GABRB2: variants seen among roughly 807,000 people sequenced by gnomAD.
GABRB2 encodes the protein gamma-aminobutyric acid type A receptor subunit beta2, also known as gamma-aminobutyric acid receptor subunit beta-2.
Under a neutral mutation model 54.7 loss-of-function variants are expected in GABRB2, and 16 were observed. That is an observed-to-expected ratio of 0.29 (90% CI 0.20 to 0.44). The LOEUF is 0.44. GABRB2 is among the 20% of genes least tolerant of loss of function. The pLI is 1.00. For synonymous variants in GABRB2, 244 were observed against 233.8 expected (o/e 1.04, Z -0.40); for missense variants, 355 against 644.0 (o/e 0.55, Z 4.86).
At chr5:161,481,771 G>A (rs1758770649) in intron 3 of GABRB2, among the ~76,000 whole-genome samples, 2 of 151,898 alleles carry the variant, frequency 1.3e-5, no homozygotes, top group African/African-American at 2.4e-5. Flanking sequence ...AAGGCAGAGT[G>A]GTTAATGTGC....
intron 9 of GABRB2, among the ~76,000 whole-genome samples, chr5:161,315,900 G>T (rs1396971823): frequency 6.6e-6 from 1 of 152,104 alleles, no homozygotes; most frequent in African/African-American, 2.4e-5. Flanking sequence ...CTAACACGAG[G>T]AATTATTTTA....
In GABRB2 at chr5:161,291,842, C is replaced by T. The variant is rs76427125; in HGVS notation, c.*2239G>A. The T allele has an allele frequency of 2.8e-3, 431 of 152,564 alleles. 1 individual carries two copies. The highest frequency in any genetic ancestry group is 4.5e-3 in the Non-Finnish European group (304 of 68,020). 9.5% of individuals were successfully genotyped at this position (152,564 alleles called of 1,614,324 possible). A position where few individuals can be genotyped will look rare whatever the true frequency, so the allele number is the denominator to read the frequency against. ...TTCAGAATGGCATTTTGGAGTTGTG[C>T]CCCTGAGTTATCAATATGTTCCTTC... On this transcript the variant is annotated 3_prime_UTR_variant, in exon 10 of 10. Coordinates refer to ENST00000393959, the MANE Select transcript of GABRB2 (RefSeq NM_001371727.1).
intron 3 of GABRB2, among the ~76,000 whole-genome samples, chr5:161,461,509 T>C (rs1758117284): frequency 6.6e-6 from 1 of 152,168 alleles, no homozygotes. Flanking sequence ...AAGGTTATTA[T>C]GAAAATTAAA....
intron 5 of GABRB2, among the ~76,000 whole-genome samples, chr5:161,383,106 G>C (rs1363899818): frequency 1.3e-5 from 2 of 152,138 alleles, no homozygotes; most frequent in African/African-American, 2.4e-5. Context: ...TATTCAAGCT[G>C]TACAACATAA....
chr5:161,450,378 T>A (rs929108018), intron 4 of GABRB2, among the ~76,000 whole-genome samples: 1 of 152,172 alleles, frequency 6.6e-6, no homozygotes, highest in Non-Finnish European at 1.5e-5. Context: ...TCTTTAAGTG[T>A]TTTTTATTTA....
Position 161,296,802 on chromosome 5 carries a change from G to T in GABRB2, c.1192-2374C>A, listed in dbSNP as rs528754102. ...CAAAATAATACTGGGGTTGGAGTCA[G>T]AGTCAAAAGATTGTACTTATGGCTC... On this transcript the variant is annotated intron_variant, in intron 9 of 9. Coordinates refer to ENST00000393959, the MANE Select transcript of GABRB2 (RefSeq NM_001371727.1). 4.6e-5 allele frequency among the ~76,000 whole-genome samples: 7 copies of T among 152,332 alleles called. No homozygotes were observed. The South Asian group carries it at 1.4e-3, about 32-fold the overall frequency.
chr5:161,502,228 T>A (rs1308546159), intron 3 of GABRB2, among the ~76,000 whole-genome samples: 1 of 151,956 alleles, frequency 6.6e-6, no homozygotes, highest in Non-Finnish European at 1.5e-5. Context: ...AAAGTTGATT[T>A]GATACAATGA....
At chr5:161,297,652 C>T (rs1251987394) in intron 9 of GABRB2, among the ~76,000 whole-genome samples, 6 of 152,034 alleles carry the variant, frequency 3.9e-5, no homozygotes, top group African/African-American at 7.2e-5. Context: ...ATGGTATATA[C>T]GTGTCACATT....
intron 9 of GABRB2, among the ~76,000 whole-genome samples, chr5:161,318,414 G>T (rs190337808): frequency 6.6e-6 from 1 of 151,960 alleles, no homozygotes; most frequent in East Asian, 1.9e-4. Context: ...AAAGGGGTAG[G>T]TTAGATATAT....
chr5:161,466,208 T>C (rs754766746), intron 3 of GABRB2, among the ~76,000 whole-genome samples: 60 of 152,202 alleles, frequency 3.9e-4, no homozygotes, highest in Admixed American at 7.9e-4. Context: ...ATATAAAGTG[T>C]ACATATAAAG....
Position 161,292,267 on chromosome 5 carries a change from G to A in GABRB2, c.*1814C>T, listed in dbSNP as rs545396018. ...AAGAAAACATACATTATTCACAGGT[G>A]GATACTGGCTGCTATGCACAATTAG... On this transcript the variant is annotated 3_prime_UTR_variant, in exon 10 of 10. Transcript: ENST00000393959. 1 of 152,260 alleles carries A rather than the reference G, an allele frequency of 6.6e-6. No individual in the cohort carries two copies. The highest frequency in any genetic ancestry group is 2.4e-5 in the African/African-American group (1 of 41,558). The allele number at this position is 152,260 out of a possible 1,614,324, so 9.4% of individuals were successfully genotyped here.
chr5:161,423,345 C>T (rs560462522), intron 4 of GABRB2, among the ~76,000 whole-genome samples: 29 of 152,226 alleles, frequency 1.9e-4, no homozygotes, highest in Non-Finnish European at 4.1e-4. Flanking sequence ...TTGCACCTTG[C>T]AGACATTGTG....
At chr5:161,472,569 T>C (rs1367295559) in intron 3 of GABRB2, among the ~76,000 whole-genome samples, 2 of 151,880 alleles carry the variant, frequency 1.3e-5, no homozygotes, top group African/African-American at 4.8e-5. Context: ...TCTGTGTGAT[T>C]TGAACTCTGA....
chr5:161,421,476 T>C (rs559473662), intron 4 of GABRB2, among the ~76,000 whole-genome samples: 1 of 152,352 alleles, frequency 6.6e-6, no homozygotes, highest in East Asian at 1.9e-4. Context: ...TTTCTCTCTC[T>C]CATGGTAAGG....
intron 4 of GABRB2, among the ~76,000 whole-genome samples, chr5:161,437,968 G>A (rs1366418316): frequency 2.0e-5 from 3 of 152,188 alleles, no homozygotes; most frequent in Non-Finnish European, 4.4e-5. Flanking sequence ...GGGCCTGGAG[G>A]CCTTGCTGCC....
chr5:161,405,969 G>T (rs573850122), intron 5 of GABRB2, among the ~76,000 whole-genome samples: 264 of 152,062 alleles, frequency 1.7e-3, no homozygotes, highest in Non-Finnish European at 3.0e-3. Flanking sequence ...AACACAACAG[G>T]CACATTTCTA....
chr5:161,487,247 C>T (rs1177726632), intron 3 of GABRB2, among the ~76,000 whole-genome samples: 1 of 151,856 alleles, frequency 6.6e-6, no homozygotes, highest in Non-Finnish European at 1.5e-5. Flanking sequence ...CTCATTATAG[C>T]ACTTTCATTG....
At chr5:161,441,931 A>G (rs1191781156) in intron 4 of GABRB2, among the ~76,000 whole-genome samples, 1 of 152,172 alleles carries the variant, frequency 6.6e-6, no homozygotes, top group Non-Finnish European at 1.5e-5. Context: ...TAGAGTGAAG[A>G]AGAATGATTA....
At chr5:161,431,760 T>C (rs112135850) in intron 4 of GABRB2, among the ~76,000 whole-genome samples, 1 of 152,166 alleles carries the variant, frequency 6.6e-6, no homozygotes, top group Admixed American at 6.5e-5. Flanking sequence ...TTAGATTCAT[T>C]TGAAAATAAA....
Sources: allele counts gnomAD v4.1 joint callset (sites outside exome capture counted in the v4.1 genomes callset), GRCh38; gene constraint gnomAD v4.1.1; transcripts MANE v1.5; gene names NCBI Gene and HGNC (gene_info 2026-07-23, HGNC 2026-07-21).